COL4A4: variants seen among roughly 807,000 people sequenced by gnomAD.
COL4A4 encodes the protein collagen alpha-4(IV) chain.
COL4A4 carries 105 observed loss-of-function variants against 192.9 expected under a neutral mutation model. The ratio of observed to expected loss-of-function variants is 0.54; its 90% confidence interval spans 0.46 to 0.64. The LOEUF (loss-of-function observed/expected upper bound fraction) is 0.64, where lower values mean the gene tolerates loss of function less well. COL4A4 is among the 30% of genes least tolerant of loss of function. The pLI is 0.00. For missense variants in COL4A4, 1,967 were observed against 2,169.3 expected, an observed-to-expected ratio of 0.91 and a Z score of 1.85; for synonymous variants, 762 against 769.9, an observed-to-expected ratio of 0.99 and a Z score of 0.17.
At chr2:227,138,373 C>G (rs2062963454) in intron 4 of COL4A4, among the ~76,000 whole-genome samples, 1 of 151,752 alleles carries the variant, frequency 6.6e-6, no homozygotes, top group Non-Finnish European at 1.5e-5. Flanking sequence ...GTGGCTCACG[C>G]CTGTAATCCC....
chr2:227,144,721 C>A (rs1052051478), intron 2 of COL4A4, among the ~76,000 whole-genome samples, 163 bp from the exon 3 acceptor site: 148 of 152,378 alleles, frequency 9.7e-4, no homozygotes, highest in African/African-American at 3.4e-3. Flanking sequence ...GCTTTCCTCT[C>A]TCTGGCTGCC....
chr2:227,140,883 A>T (rs1410920997), intron 3 of COL4A4, among the ~76,000 whole-genome samples: 6 of 114,790 alleles, frequency 5.2e-5, no homozygotes, highest in African/African-American at 1.9e-4. Flanking sequence ...CATCACACAC[A>T]CACACACACA....
At chr2:227,063,591 C>T (rs920071382) in intron 25 of COL4A4, among the ~76,000 whole-genome samples, 1 of 151,832 alleles carries the variant, frequency 6.6e-6, no homozygotes, top group Non-Finnish European at 1.5e-5. Flanking sequence ...AAACTTAAAC[C>T]TTTTTTGCCA....
intron 4 of COL4A4, among the ~76,000 whole-genome samples, chr2:227,132,791 CAA>C (rs76837584): frequency 0.059 from 8,902 of 151,706 alleles, 299 homozygotes; most frequent in Middle Eastern, 0.075. Context: ...AAAAAATAAA[CAA>C]AAAAAAGATT....
rs202002799 is a variant in COL4A4, at chr2:227,041,805, G to GAAGAAAGA, written c.3505+335_3505+342dup. Among the ~76,000 whole-genome samples, 111 of 39,354 alleles carry GAAGAAAGA rather than the reference G, an allele frequency of 2.8e-3. 7 individuals carry two copies. The highest frequency in any genetic ancestry group is 4.7e-3 in the South Asian group (4 of 858). The allele number at this position is 39,354 out of a possible 152,430, so 25.8% of individuals were successfully genotyped here. ...AAGGAAGGGAAAGAAAGAAAGAAAG[G>GAAGAAAGA]AAGAAAGAAAGAAAGAAAGAAAGAA... On this transcript the variant is annotated intron_variant, in intron 37 of 47. Coordinates refer to ENST00000396625, the MANE Select transcript of COL4A4 (RefSeq NM_000092.5).
intron 40 of COL4A4, among the ~76,000 whole-genome samples, 195 bp downstream of exon 40, chr2:227,031,750 G>C (rs1490076379): frequency 2.6e-5 from 4 of 152,154 alleles, no homozygotes; most frequent in Admixed American, 6.5e-5. Context: ...GCCAAGTCCT[G>C]GTCCTGGATA....
At chr2:226,987,318 C>T in the COL4A4 span, among the ~76,000 whole-genome samples, 2 of 151,894 alleles carry the variant, frequency 1.3e-5, no homozygotes, top group South Asian at 2.1e-4. Flanking sequence ...GTTCTGCACA[C>T]GTATCCCAGA....
intron 4 of COL4A4, among the ~76,000 whole-genome samples, chr2:227,136,166 A>G (rs1334308146): frequency 6.6e-6 from 1 of 152,134 alleles, no homozygotes; most frequent in Non-Finnish European, 1.5e-5. Flanking sequence ...CAATCTAATC[A>G]ATAAAGTCGG....
rs777020629 is a variant in COL4A4 at position 227,088,721 on chromosome 2, G to C, written c.1555C>G (p.Leu519Val). Residue 519 changes from leucine (L) to valine (V), a missense_variant, in exon 22 of 48, where the codon CTC becomes GTC. By Grantham distance (32) the Leu-to-Val change is conservative (BLOSUM62 1). Transcript: ENST00000396625. The part of the protein sequence containing the change: ...GRQGSKGDLG[L>V]PGWLGTKGDP... The stretch of plus-strand genomic sequence containing the variant: ...CCTTTTGTTCCAAGCCAGCCAGGGA[G>C]CCCCAAGTCTCCCTTACTCCCCTGC... 1.7e-5 allele frequency: 27 copies of C among 1,614,018 alleles called. No individual in the cohort carries two copies.
In COL4A4 at chr2:227,005,821, G is replaced by C. The variant is rs1315526231; in HGVS notation, c.*1504C>G. On this transcript the variant is annotated 3_prime_UTR_variant, in exon 48 of 48. Transcript: ENST00000396625. ...AAATTTCTTTAGTTTTCTCTAAAAT[G>C]CCTTTTTCTTTTAGATGAGGAAGGT... 8 of 152,096 alleles carry C rather than the reference G, an allele frequency of 5.3e-5. No individual in the cohort carries two copies. 9.4% of individuals were successfully genotyped at this position (152,096 alleles called of 1,614,324 possible). A position where few individuals can be genotyped will look rare whatever the true frequency, so the allele number is the denominator to read the frequency against.
chr2:227,021,766 A>G (rs2149848987), intron 44 of COL4A4, among the ~76,000 whole-genome samples: 1 of 152,278 alleles, frequency 6.6e-6, no homozygotes, highest in East Asian at 1.9e-4. Flanking sequence ...CGGAGCTTGC[A>G]GTGAGCCAAG....
chr2:227,113,473 C>A (rs1156294825), intron 8 of COL4A4, among the ~76,000 whole-genome samples: 1 of 152,120 alleles, frequency 6.6e-6, no homozygotes, highest in Admixed American at 6.5e-5. Flanking sequence ...CAATGTGCTG[C>A]AATATAAATT....
chr2:227,139,694 A>G (rs755692056), intron 4 of COL4A4, among the ~76,000 whole-genome samples: 26 of 152,238 alleles, frequency 1.7e-4, no homozygotes, highest in Non-Finnish European at 3.2e-4. Flanking sequence ...CTGGCACATA[A>G]CAAGCATACA....
intron 1 of COL4A4, among the ~76,000 whole-genome samples, chr2:227,160,340 T>C (rs188092875): frequency 6.6e-6 from 1 of 152,360 alleles, no homozygotes; most frequent in African/African-American, 2.4e-5. Flanking sequence ...GTAGATTTCA[T>C]TTCCCTGCCC....
intron 22 of COL4A4, among the ~76,000 whole-genome samples, chr2:227,085,865 C>T (rs1442042526): frequency 1.3e-5 from 2 of 152,202 alleles, no homozygotes; most frequent in Non-Finnish European, 2.9e-5. Flanking sequence ...CGTTATCAGC[C>T]TGTGACAGTT....
chr2:226,999,233 C>A (rs1308190522), downstream of COL4A4: 1 of 152,086 alleles, frequency 6.6e-6, no homozygotes, highest in African/African-American at 2.4e-5. Flanking sequence ...TATACTGTCA[C>A]CAGTGGCGCA....
chr2:227,005,932 T>C lies in COL4A4; in HGVS notation c.*1393A>G, dbSNP rs1438325914. ...CTAGCAAAACAGAAAAAGGGATCTTTTGCTTTACAGAAAAAAATAATCATT... is the reference window on the plus strand; with the variant it reads ...CTAGCAAAACAGAAAAAGGGATCTTCTGCTTTACAGAAAAAAATAATCATT... On this transcript the variant is annotated 3_prime_UTR_variant, in exon 48 of 48. Transcript: ENST00000396625. 6.6e-6 allele frequency: 1 copy of C among 152,218 alleles called. No individual in the cohort carries two copies. Among genetic ancestry groups the C allele is most frequent in the Non-Finnish European group, 1.5e-5 (1 of 68,036 alleles). The allele number at this position is 152,218 out of a possible 1,614,324, so 9.4% of individuals were successfully genotyped here. A position where few individuals can be genotyped will look rare whatever the true frequency, so the allele number is the denominator to read the frequency against.
chr2:227,090,073 C>A, intron 20 of COL4A4, 116 bp from the exon 21 acceptor site: 1 of 714,618 alleles, frequency 1.4e-6, no homozygotes, highest in African/African-American at 1.8e-5. Context: ...TTTCCCAACC[C>A]CATTCTTTGC....
Position 227,028,005 on chromosome 2 carries a change from T to C in COL4A4, c.3978A>G (p.Pro1326=), listed in dbSNP as rs780675797. ...GTCCCTGCGGTCCCGGGAATCCCAC[T>C]GGTCCTTAAAAAAAAACAAAACATA... ...GCDGKDGQKG[P]VGFPGPQGPH... Residue 1326 remains proline (P), a synonymous_variant, in exon 42 of 48, where the codon CCA becomes CCG. Transcript: ENST00000396625. 1.2e-6 allele frequency: 2 copies of C among 1,600,800 alleles called. No individual in the cohort carries two copies. Among genetic ancestry groups the C allele is most frequent in the East Asian group, 4.5e-5 (2 of 44,750 alleles).
Sources: gnomAD v4.1 joint callset for allele counts (sites outside exome capture counted in the v4.1 genomes callset) on GRCh38, gnomAD v4.1.1 for gene constraint, MANE v1.5 for transcripts, NCBI Gene and HGNC (gene_info 2026-07-23, HGNC 2026-07-21) for gene names.